Variants in CHST8 observed in about 807,000 individuals in gnomAD.
CHST8 encodes carbohydrate sulfotransferase 8.
Under a neutral mutation model 15.0 loss-of-function variants are expected in CHST8, and 10 were observed. That is an observed-to-expected ratio of 0.67 (90% CI 0.41 to 1.13). The LOEUF is 1.13. CHST8 is among the 50% of genes most tolerant of loss of function. The pLI, the probability that CHST8 is intolerant of heterozygous loss-of-function variation, is 0.00. For synonymous variants in CHST8, 259 were observed against 256.6 expected, an observed-to-expected ratio of 1.01 and a Z score of -0.09; for missense variants, 634 against 608.2, an observed-to-expected ratio of 1.04 and a Z score of -0.45.
At chr19:33,648,169 C>T (rs1226601675) in intron 1 of CHST8, among the ~76,000 whole-genome samples, 2 of 152,058 alleles carry the variant, frequency 1.3e-5, no homozygotes, top group Non-Finnish European at 2.9e-5. Context: ...CAAATATGGT[C>T]ACTAGGGTCT....
chr19:33,722,428 G>A (rs949994922), intron 3 of CHST8, among the ~76,000 whole-genome samples: 14 of 152,162 alleles, frequency 9.2e-5, no homozygotes, highest in Non-Finnish European at 1.8e-4. Context: ...GGGAGGCAAA[G>A]ATTTGTTGGT....
intron 3 of CHST8, among the ~76,000 whole-genome samples, chr19:33,750,457 C>T (rs1465531231): frequency 6.6e-6 from 1 of 152,148 alleles, no homozygotes; most frequent in Non-Finnish European, 1.5e-5. Context: ...AGAGTTGGCA[C>T]ATCCCTGTGT....
At chr19:33,696,105 C>T (rs149322154) in intron 3 of CHST8, among the ~76,000 whole-genome samples, 6 of 152,152 alleles carry the variant, frequency 3.9e-5, no homozygotes, top group East Asian at 1.9e-4. Flanking sequence ...GGATTGCAGG[C>T]GTGAGCCACC....
At chr19:33,757,530 A>AAG (rs1568358842) in intron 3 of CHST8, among the ~76,000 whole-genome samples, 8 of 29,496 alleles carry the variant, frequency 2.7e-4, no homozygotes, top group South Asian at 1.0e-3. Context: ...AAGAGAAAGA[A>AAG]AGAAAGAAAG....
At chr19:33,650,784 T>C (rs553753674) in intron 1 of CHST8, among the ~76,000 whole-genome samples, 1 of 152,024 alleles carries the variant, frequency 6.6e-6, no homozygotes, top group South Asian at 2.1e-4. Flanking sequence ...TTTGGCTCAC[T>C]GCAAACCTTC....
rs1972648354 is a variant in CHST8 at position 33,665,695 on chromosome 19, G to T, written c.-163-2072G>T. Reference sequence around the variant, plus strand: ...CTGTAGCCTCTTCCTGCTGGACCAGGGTGAGGCTGGGGCCGCAGAACCCAG... The same window carrying T: ...CTGTAGCCTCTTCCTGCTGGACCAGTGTGAGGCTGGGGCCGCAGAACCCAG... On this transcript the variant is annotated intron_variant, in intron 1 of 4. Coordinates refer to ENST00000650847, the MANE Select transcript of CHST8 (RefSeq NM_001127895.2). 1.3e-5 allele frequency among the ~76,000 whole-genome samples: 2 copies of T among 152,188 alleles called. 1 individual carries two copies. Among genetic ancestry groups the T allele is most frequent in the South Asian group, 4.2e-4 (2 of 4,818 alleles).
chr19:33,752,061 G>A (rs1568355457), intron 3 of CHST8, among the ~76,000 whole-genome samples: 1 of 152,216 alleles, frequency 6.6e-6, no homozygotes, highest in Non-Finnish European at 1.5e-5. Context: ...CTGCCCAGGG[G>A]TTGGAGTGAG....
chr19:33,650,602 G>A (rs1680533269), intron 1 of CHST8, among the ~76,000 whole-genome samples: 1 of 126,606 alleles, frequency 7.9e-6, no homozygotes, highest in African/African-American at 3.0e-5. Flanking sequence ...TGTGACCTTG[G>A]CTCACTGGTA....
intron 1 of CHST8, among the ~76,000 whole-genome samples, chr19:33,650,976 C>T (rs892148043): frequency 1.3e-5 from 2 of 152,164 alleles, no homozygotes; most frequent in African/African-American, 4.8e-5. Flanking sequence ...GCTGGGATTA[C>T]AGACATGAGC....
At chr19:33,718,943 G>A (rs1289750227) in intron 3 of CHST8, among the ~76,000 whole-genome samples, 1 of 152,018 alleles carries the variant, frequency 6.6e-6, no homozygotes, top group Non-Finnish European at 1.5e-5. Flanking sequence ...GAGGGAAGGA[G>A]GCCTCCAGGT....
At chr19:33,624,139 G>A (rs377735818) in intron 1 of CHST8, among the ~76,000 whole-genome samples, 2 of 152,136 alleles carry the variant, frequency 1.3e-5, no homozygotes, top group African/African-American at 2.4e-5. Flanking sequence ...TATGTTTCCC[G>A]GGTATTGATT....
At chr19:33,714,703 G>A (rs565038097) in intron 3 of CHST8, among the ~76,000 whole-genome samples, 1 of 152,128 alleles carries the variant, frequency 6.6e-6, no homozygotes, top group African/African-American at 2.4e-5. Context: ...ATGGGAGTGG[G>A]TCTTTCCTGT....
intron 2 of CHST8, 44 bp from the exon 3 acceptor site, chr19:33,689,132 G>A (rs549266721): frequency 3.5e-6 from 4 of 1,137,912 alleles, no homozygotes; most frequent in South Asian, 1.9e-5. Context: ...ACCTGCCCGG[G>A]TGCCTCGCGC....
Position 33,772,031 on chromosome 19 carries a change from T to A in CHST8, c.243T>A (p.Ser81Arg). Reference sequence around the variant, plus strand: ...AGAGGGTCACTCGGGACTTATCCAGTGGGGCCCCGAGGGGCCGCAACCTGC... The same window carrying A: ...AGAGGGTCACTCGGGACTTATCCAGAGGGGCCCCGAGGGGCCGCAACCTGC... ...PTERVTRDLS[S>R]GAPRGRNLPA... Residue 81 changes from serine (S) to arginine (R), a missense_variant, in exon 5 of 5, where the codon AGT becomes AGA. By Grantham distance (110) the Ser-to-Arg change is moderately radical (BLOSUM62 -1). Coordinates refer to ENST00000650847, the MANE Select transcript of CHST8 (RefSeq NM_001127895.2). 1 of 1,611,830 alleles carries A rather than the reference T, an allele frequency of 6.2e-7. No homozygotes were observed.
rs1431450968 is a variant in CHST8, at chr19:33,772,931, G to A, written c.1143G>A (p.Ala381=). The change falls in exon 5 of 5, where the codon GCG becomes GCA. Residue 381 remains alanine (A), a synonymous_variant. Coordinates refer to ENST00000650847, the MANE Select transcript of CHST8 (RefSeq NM_001127895.2). ...PRFKDRHSQE[A]RTTARIAHQY... is the part of the protein sequence containing the mutation. Reference sequence around the variant, plus strand: ...TCAAGGACCGGCACTCGCAGGAGGCGCGGACCACAGCGAGGATCGCCCACC... The same window carrying A: ...TCAAGGACCGGCACTCGCAGGAGGCACGGACCACAGCGAGGATCGCCCACC... 1.9e-6 allele frequency: 3 copies of A among 1,613,298 alleles called. No homozygotes were observed. Among genetic ancestry groups the A allele is most frequent in the African/African-American group, 1.3e-5 (1 of 74,952 alleles).
chr19:33,734,640 G>A (rs1292866112), intron 3 of CHST8, among the ~76,000 whole-genome samples: 1 of 152,174 alleles, frequency 6.6e-6, no homozygotes, highest in African/African-American at 2.4e-5. Context: ...GGAGCTCAGG[G>A]AGAGGAGAGG....
chr19:33,744,788 G>A (rs950422920), intron 3 of CHST8, among the ~76,000 whole-genome samples: 6 of 152,004 alleles, frequency 3.9e-5, no homozygotes, highest in Admixed American at 2.0e-4. Flanking sequence ...TTGCTCTGTC[G>A]CCCAGGCTAG....
At chr19:33,713,590 G>C (rs947727394) in intron 3 of CHST8, among the ~76,000 whole-genome samples, 5 of 152,068 alleles carry the variant, frequency 3.3e-5, no homozygotes, top group Admixed American at 2.6e-4. Flanking sequence ...TTTTGAGACA[G>C]AGTCTTGCTC....
At chr19:33,736,221 G>A (rs973990637) in intron 3 of CHST8, among the ~76,000 whole-genome samples, 4 of 152,228 alleles carry the variant, frequency 2.6e-5, no homozygotes, top group Non-Finnish European at 5.9e-5. Flanking sequence ...CCGAGTTGAG[G>A]TGTTGTCCTG....
Sources: gnomAD v4.1 joint callset for allele counts (sites outside exome capture counted in the v4.1 genomes callset) on GRCh38, gnomAD v4.1.1 for gene constraint, MANE v1.5 for transcripts, NCBI Gene and HGNC (gene_info 2026-07-23, HGNC 2026-07-21) for gene names.